Variants in ZNF469 observed in about 807,000 individuals in gnomAD.
ZNF469 encodes the protein zinc finger protein 469.
ZNF469 carries 1 observed loss-of-function variant against 1.0 expected under a neutral mutation model. The observed-to-expected ratio is 1.00, with a 90% confidence interval of 0.35 to 4.73. The LOEUF is 4.73. ZNF469 is among the 30% of genes most tolerant of loss of function. ZNF469 has a pLI of 0.16. For synonymous variants in ZNF469, 2,703 were observed against 2,363.4 expected, an observed-to-expected ratio of 1.14 and a Z score of -4.17; for missense variants, 6,100 against 5,356.3, an observed-to-expected ratio of 1.14 and a Z score of -4.33.
chr16:88,288,277 T>C, the ZNF469 span, among the ~76,000 whole-genome samples: 3 of 152,158 alleles, frequency 2.0e-5, no homozygotes, highest in African/African-American at 7.2e-5. Context: ...CCCCAGTAGC[T>C]TTGTGAGAGA....
At chr16:88,157,595 A>G in the ZNF469 span, among the ~76,000 whole-genome samples, 1 of 151,928 alleles carries the variant, frequency 6.6e-6, no homozygotes. Flanking sequence ...TCTTATCCAC[A>G]GCACCATGAC....
chr16:88,231,718 C>T, the ZNF469 span, among the ~76,000 whole-genome samples: 1 of 152,196 alleles, frequency 6.6e-6, no homozygotes, highest in African/African-American at 2.4e-5. The surrounding 1 kb of genome is among the most constrained non-coding windows in gnomAD (Gnocchi z 4.5). Context: ...CCCCCGCCTC[C>T]CTCTTCAAGG....
chr16:88,265,487 C>G, the ZNF469 span, among the ~76,000 whole-genome samples: 1 of 152,226 alleles, frequency 6.6e-6, no homozygotes, highest in Non-Finnish European at 1.5e-5. Context: ...TCCAGGAGGG[C>G]TGGGTGCTCC....
chr16:88,123,428 C>T, the ZNF469 span, among the ~76,000 whole-genome samples: 4,945 of 151,984 alleles, frequency 0.033, 276 homozygotes, highest in African/African-American at 0.11. Flanking sequence ...GGGCTGTTTT[C>T]AATTTTGGGC....
chr16:88,291,181 C>A, the ZNF469 span, among the ~76,000 whole-genome samples: 1,165 of 152,288 alleles, frequency 7.6e-3, 15 homozygotes, highest in African/African-American at 0.027. Flanking sequence ...TCCTCAGACC[C>A]ACCTGGACCC....
chr16:88,268,843 G>A, the ZNF469 span, among the ~76,000 whole-genome samples: 10 of 152,138 alleles, frequency 6.6e-5, no homozygotes, highest in African/African-American at 1.9e-4. Context: ...CGTGCAGCCC[G>A]GCCCCCATGA....
chr16:88,349,145 T>TC, the ZNF469 span, among the ~76,000 whole-genome samples: 4,091 of 151,896 alleles, frequency 0.027, 181 homozygotes, highest in African/African-American at 0.093. Context: ...CAGCCACTCG[T>TC]CCCCCCTCAC....
chr16:88,179,347 C>G, the ZNF469 span, among the ~76,000 whole-genome samples: 47 of 152,246 alleles, frequency 3.1e-4, 1 homozygote, highest in South Asian at 1.7e-3. Flanking sequence ...AGAGCGTGGC[C>G]CCTCCCTCCC....
the ZNF469 span, among the ~76,000 whole-genome samples, chr16:88,134,238 G>A: frequency 1.3e-5 from 2 of 152,192 alleles, no homozygotes; most frequent in Admixed American, 1.3e-4. Flanking sequence ...TTTCTACCCG[G>A]TGGTATTTTG....
chr16:88,242,081 AC>A, the ZNF469 span, among the ~76,000 whole-genome samples: 2 of 152,278 alleles, frequency 1.3e-5, no homozygotes, highest in East Asian at 3.9e-4. Flanking sequence ...GGGTCCCCCA[AC>A]CCTGGACGTC....
the ZNF469 span, among the ~76,000 whole-genome samples, chr16:88,333,875 T>G: frequency 6.6e-6 from 1 of 151,168 alleles, no homozygotes; most frequent in African/African-American, 2.4e-5. Context: ...TGTGTGTGTG[T>G]GTGTTTGTGT....
chr16:88,339,761 C>T, the ZNF469 span, among the ~76,000 whole-genome samples: 1 of 83,212 alleles, frequency 1.2e-5, no homozygotes, highest in Non-Finnish European at 2.3e-5. Flanking sequence ...GACAGACTGG[C>T]AGGGGGACGG....
At chr16:88,209,475 T>C in the ZNF469 span, among the ~76,000 whole-genome samples, 5 of 152,020 alleles carry the variant, frequency 3.3e-5, no homozygotes, top group African/African-American at 9.7e-5. Flanking sequence ...GTATTTTTAG[T>C]AGAGACGGGG....
At chr16:88,411,392 A>G (rs905881121) in intron 1 of ZNF469, among the ~76,000 whole-genome samples, 4 of 147,846 alleles carry the variant, frequency 2.7e-5, no homozygotes, top group Non-Finnish European at 6.0e-5. Flanking sequence ...GTGGTGGGGC[A>G]GCAGGGGCAA....
chr16:88,193,000 G>GTGA, the ZNF469 span, among the ~76,000 whole-genome samples: 2 of 134,596 alleles, frequency 1.5e-5, no homozygotes, highest in Non-Finnish European at 3.1e-5. Flanking sequence ...GGTGGTGGTG[G>GTGA]TGATGGTGGT....
At chr16:88,346,315 T>C in the ZNF469 span, among the ~76,000 whole-genome samples, 62,032 of 151,950 alleles carry the variant, frequency 0.41, 13,094 homozygotes, top group African/African-American at 0.52. Context: ...CCTGCGAGTG[T>C]GCTGGGGACC....
At chr16:88,365,269 T>C in the ZNF469 span, among the ~76,000 whole-genome samples, 1 of 152,206 alleles carries the variant, frequency 6.6e-6, no homozygotes, top group African/African-American at 2.4e-5. Context: ...TCCAGCCTTT[T>C]CTGGTTTATG....
At chr16:88,225,561 C>T in the ZNF469 span, among the ~76,000 whole-genome samples, 9 of 151,686 alleles carry the variant, frequency 5.9e-5, no homozygotes, top group Non-Finnish European at 1.2e-4. Context: ...AAGGAGGAGC[C>T]GCCCATGCCC....
chr16:88,205,528 T>C, the ZNF469 span, among the ~76,000 whole-genome samples: 2 of 152,356 alleles, frequency 1.3e-5, no homozygotes, highest in South Asian at 2.1e-4. This position sits in a 1 kb window ranked among gnomAD's most constrained non-coding sequence, Gnocchi z 4.2. Flanking sequence ...CTTAAGGGGC[T>C]GAGCTCCAGC....
Sources: gnomAD v4.1 joint callset for allele counts (sites outside exome capture counted in the v4.1 genomes callset) on GRCh38, gnomAD v4.1.1 for gene constraint, Gnocchi (gnomAD v3.1) non-coding constraint, MANE v1.5 for transcripts, NCBI Gene and HGNC (gene_info 2026-07-23, HGNC 2026-07-21) for gene names.